Variants in GTF2I observed in about 807,000 individuals in gnomAD.
GTF2I encodes the protein general transcription factor IIi, also known as general transcription factor II-I.
Under a neutral mutation model 67.6 loss-of-function variants are expected in GTF2I, and 12 were observed. That is an observed-to-expected ratio of 0.18 (90% confidence interval 0.11 to 0.29). GTF2I has a LOEUF of 0.29. Among genes scored for constraint, GTF2I ranks in the 10% least tolerant of loss-of-function variants. The probability of loss-of-function intolerance (pLI) is 1.00; values close to 1 mark genes in which losing one functional copy is unlikely to be tolerated. For synonymous variants in GTF2I, 149 were observed against 197.0 expected (o/e 0.76, Z 2.04); for missense variants, 271 against 580.1 (o/e 0.47, Z 5.47).
At chr7:74,749,894 C>CAA (rs1159090377) in intron 26 of GTF2I, among the ~76,000 whole-genome samples, 4 of 77,956 alleles carry the variant, frequency 5.1e-5, no homozygotes, top group South Asian at 4.4e-4. Flanking sequence ...ATCTCAAAAA[C>CAA]AAAAAAAAAA....
chr7:74,710,955 AG>A, intron 8 of GTF2I, 76 bp from the exon 9 acceptor site: 1 of 673,002 alleles, frequency 1.5e-6, no homozygotes, highest in Non-Finnish European at 2.6e-6. Flanking sequence ...ATTTATAGGG[AG>A]GGCAGAGAGG....
intron 1 of GTF2I, among the ~76,000 whole-genome samples, chr7:74,678,794 CAG>C (rs757407665): frequency 1.3e-5 from 2 of 152,030 alleles, no homozygotes; most frequent in Non-Finnish European, 2.9e-5. Flanking sequence ...TTTTTTGAGA[CAG>C]AGTCTCGCTC....
At chr7:74,667,193 G>A (rs1805055704) in intron 1 of GTF2I, among the ~76,000 whole-genome samples, 1 of 151,856 alleles carries the variant, frequency 6.6e-6, no homozygotes. Flanking sequence ...AAATACAGAA[G>A]TTAGCTGGGA....
At chr7:74,673,634 C>T (rs1429175621) in intron 1 of GTF2I, among the ~76,000 whole-genome samples, 5 of 151,578 alleles carry the variant, frequency 3.3e-5, no homozygotes, top group Non-Finnish European at 5.9e-5. Flanking sequence ...TCACCTCGCC[C>T]TCCCAAAGTG....
chr7:74,701,325 A>G (rs1789711281), intron 6 of GTF2I, among the ~76,000 whole-genome samples: 1 of 152,188 alleles, frequency 6.6e-6, no homozygotes, highest in African/African-American at 2.4e-5. Context: ...ACATGTAACT[A>G]TGAAAGGAAA....
rs371664393 is a variant in GTF2I at position 74,709,769 on chromosome 7, T to G, written c.686-1263T>G. Among the ~76,000 whole-genome samples the G allele has an allele frequency of 4.6e-5, 7 of 151,878 alleles. No homozygotes were observed. In the East Asian group the frequency reaches 1.4e-3, roughly 29 times the overall value. ...CTCACTGCAACCTCCACCTCTTGGG[T>G]TCAGGTGATCTTTGTGCCTCAGCCT... On this transcript the variant is annotated intron_variant, in intron 8 of 34. Transcript: ENST00000573035.
At chr7:74,737,761 T>TG (rs1391134187) in intron 18 of GTF2I, among the ~76,000 whole-genome samples, 1 of 147,746 alleles carries the variant, frequency 6.8e-6, no homozygotes, top group African/African-American at 2.5e-5. Flanking sequence ...GGCTGTGCTG[T>TG]GGGACAGTTC....
Position 74,727,812 on chromosome 7 carries a change from C to T in GTF2I, c.944-974C>T, listed in dbSNP as rs587717949. The T allele has an allele frequency of 2.6e-5, 4 of 152,326 alleles. No individual in the cohort carries two copies. In the South Asian group the frequency reaches 8.3e-4, roughly 32 times the overall value. 9.4% of individuals were successfully genotyped at this position (152,326 alleles called of 1,614,324 possible). On this transcript the variant is annotated intron_variant, in intron 12 of 34. Coordinates refer to ENST00000573035, the MANE Select transcript of GTF2I (RefSeq NM_032999.4). ...TAACATGAGGTGTACTGAAGGGTCA[C>T]AGCAGAGTGAGTTCCTGGTGTATCC...
intron 3 of GTF2I, 74 bp from the exon 4 acceptor site, chr7:74,698,886 TA>T: frequency 1.4e-6 from 1 of 703,996 alleles, no homozygotes; most frequent in Non-Finnish European, 2.0e-6. Context: ...CGATTTTTAC[TA>T]AAAACCAAAT....
Position 74,716,927 on chromosome 7 carries a change from C to T in GTF2I, c.857C>T (p.Thr286Ile), listed in dbSNP as rs1792336835. The part of the protein sequence containing the change: ...SHHSSEGNEG[T>I]EMEVPAEDST... ...CATTCTTCAGAGGGCAATGAAGGCACAGAAATGGAAGTACCAGCAGAAGGT... is the reference window on the plus strand; with the variant it reads ...CATTCTTCAGAGGGCAATGAAGGCATAGAAATGGAAGTACCAGCAGAAGGT... Residue 286 changes from threonine to isoleucine, a missense_variant, in exon 11 of 35, where the codon ACA (threonine) becomes ATA (isoleucine). By Grantham distance (89) the Thr-to-Ile change is moderately conservative. Coordinates refer to ENST00000573035, the MANE Select transcript of GTF2I (RefSeq NM_032999.4). 5 of 1,607,864 alleles carry T rather than the reference C, an allele frequency of 3.1e-6. No individual in the cohort carries two copies. The highest frequency in any genetic ancestry group is 1.1e-5 in the South Asian group (1 of 90,854).
chr7:74,674,447 T>C (rs1805724331), intron 1 of GTF2I, among the ~76,000 whole-genome samples: 1 of 152,182 alleles, frequency 6.6e-6, no homozygotes, highest in South Asian at 2.1e-4. Flanking sequence ...CGTAGAGACT[T>C]GCATTCAAGT....
At chr7:74,665,589 C>A (rs139571855) in intron 1 of GTF2I, among the ~76,000 whole-genome samples, 6 of 152,116 alleles carry the variant, frequency 3.9e-5, no homozygotes, top group Admixed American at 2.6e-4. Context: ...GAACATGTTT[C>A]GCTTCTAAGA....
chr7:74,668,055 G>A (rs77393417), intron 1 of GTF2I, among the ~76,000 whole-genome samples: 120,610 of 151,582 alleles, frequency 0.8, 48,177 homozygotes, highest in East Asian at 0.94. Context: ...GATGGTCTCA[G>A]TCTCCTGACC....
intron 1 of GTF2I, among the ~76,000 whole-genome samples, chr7:74,674,598 G>A (rs587744436): frequency 5.1e-4 from 77 of 152,140 alleles, no homozygotes; most frequent in Middle Eastern, 3.4e-3. Context: ...GAGTGCAGTC[G>A]TGCAATCTCA....
At chr7:74,658,234 G>T (rs1584039781) in intron 1 of GTF2I, among the ~76,000 whole-genome samples, 166 bp downstream of exon 1, 1 of 148,970 alleles carries the variant, frequency 6.7e-6, no homozygotes, top group Non-Finnish European at 1.5e-5. Context: ...CGCCCGTGCC[G>T]CCTCCCCCTA....
intron 3 of GTF2I, 25 bp from the exon 4 acceptor site, chr7:74,698,936 A>T (rs782594544): frequency 4.5e-5 from 53 of 1,167,902 alleles, no homozygotes; most frequent in Non-Finnish European, 5.9e-5. Flanking sequence ...TTATTTTTTT[A>T]TTTTATTTTT....
At chr7:74,658,542 C>G (rs1219445388) in intron 1 of GTF2I, among the ~76,000 whole-genome samples, 2 of 149,870 alleles carry the variant, frequency 1.3e-5, no homozygotes, top group Non-Finnish European at 3.0e-5. Context: ...CCCGAGCCGT[C>G]GTGGGGTCGC....
Position 74,723,845 on chromosome 7 carries a change from G to A in GTF2I, c.943+4904G>A, listed in dbSNP as rs587711828. 2.7e-5 allele frequency among the ~76,000 whole-genome samples: 4 copies of A among 149,490 alleles called. No homozygotes were observed. The South Asian group carries it at 8.4e-4, about 32-fold the overall frequency. ...CTAGGAAACGTGGTGACTATGTTGAGAAAAGGGGGAAAAAAAAAAAAAGAG... is the reference window on the plus strand; with the variant it reads ...CTAGGAAACGTGGTGACTATGTTGAAAAAAGGGGGAAAAAAAAAAAAAGAG... On this transcript the variant is annotated intron_variant, in intron 12 of 34. Transcript: ENST00000573035.
chr7:74,692,458 G>A (rs899161125), intron 3 of GTF2I, among the ~76,000 whole-genome samples: 8 of 152,160 alleles, frequency 5.3e-5, no homozygotes, highest in African/African-American at 1.4e-4. Context: ...AAATTAAACA[G>A]TTCTCCTCCA....
Sources: allele counts gnomAD v4.1 joint callset (sites outside exome capture counted in the v4.1 genomes callset), GRCh38; gene constraint gnomAD v4.1.1; transcripts MANE v1.5; gene names NCBI Gene and HGNC (gene_info 2026-07-23, HGNC 2026-07-21).